The following KCNMA1 variants were observed in gnomAD, a reference collection of about 807,000 sequenced individuals.
KCNMA1 encodes the protein potassium calcium-activated channel subfamily M alpha 1, also known as Calcium-activated potassium channel subunit alpha-1.
In KCNMA1, 29 loss-of-function variants were observed where a neutral mutation model predicts 140.0. That is an observed-to-expected ratio of 0.21 (90% CI 0.15 to 0.28). The LOEUF (loss-of-function observed/expected upper bound fraction) is 0.28. Ranked by LOEUF, KCNMA1 falls within the 10% of genes least tolerant of loss-of-function variation. The pLI is 1.00. For missense variants in KCNMA1, 880 were observed against 1,602.2 expected (o/e 0.55, Z 7.70); for synonymous variants, 612 against 611.9 (o/e 1.00, Z 0.00).
At chr10:77,224,976 G>A (rs2050848216) in intron 3 of KCNMA1, among the ~76,000 whole-genome samples, 1 of 152,198 alleles carries the variant, frequency 6.6e-6, no homozygotes, top group Non-Finnish European at 1.5e-5. Context: ...GCCCCTTGAA[G>A]GTGGGAAACT....
intron 24 of KCNMA1, chr10:76,911,559 A>G (rs2050263766): frequency 1.3e-5 from 2 of 152,234 alleles, no homozygotes; most frequent in South Asian, 4.1e-4. Flanking sequence ...GGCTGTCAGG[A>G]GGCTCATACG....
chr10:77,313,719 G>A (rs367593790), intron 2 of KCNMA1, among the ~76,000 whole-genome samples: 65 of 152,232 alleles, frequency 4.3e-4, no homozygotes, highest in African/African-American at 1.5e-3. Context: ...CACAGTACCT[G>A]GCACATGGTA....
intron 22 of KCNMA1, among the ~76,000 whole-genome samples, chr10:76,947,395 A>G (rs1224487312): frequency 6.6e-6 from 1 of 152,110 alleles, no homozygotes; most frequent in East Asian, 1.9e-4. Context: ...GAGGAAACAT[A>G]CACAAACACA....
chr10:76,910,543 G>T, intron 24 of KCNMA1: 1 of 280,420 alleles, frequency 3.6e-6, no homozygotes, highest in South Asian at 3.9e-5. Context: ...GCGCTGGAAG[G>T]GGAGCACAGC....
intron 1 of KCNMA1, among the ~76,000 whole-genome samples, chr10:77,561,578 G>A (rs547546918): frequency 3.1e-4 from 47 of 152,236 alleles, no homozygotes; most frequent in African/African-American, 1.1e-3. Flanking sequence ...GCAGAGACTC[G>A]GGAAAGTTAA....
Position 77,194,596 on chromosome 10 carries a change from G to A in KCNMA1, c.603-9680C>T, listed in dbSNP as rs1411379346. ...CTAGAACCAGCCTGTTCTGAGTTCC[G>A]GACTGACAGTTGCGGATAATGAGAT... On this transcript the variant is annotated intron_variant, in intron 3 of 27. Coordinates refer to ENST00000286628, the MANE Select transcript of KCNMA1 (RefSeq NM_001161352.2). Among the ~76,000 whole-genome samples the A allele has an allele frequency of 4.6e-5, 7 of 152,182 alleles. No individual in the cohort carries two copies. In the South Asian group the frequency reaches 6.2e-4, roughly 14 times the overall value.
intron 1 of KCNMA1, among the ~76,000 whole-genome samples, chr10:77,560,526 G>C (rs574623840): frequency 2.1e-4 from 32 of 152,314 alleles, no homozygotes; most frequent in African/African-American, 7.7e-4. Context: ...GCCAGGTGAG[G>C]TGGTTCTCAG....
chr10:76,880,353 T>C (rs1215642153), downstream of KCNMA1, among the ~76,000 whole-genome samples: 3 of 152,130 alleles, frequency 2.0e-5, no homozygotes, highest in Admixed American at 1.3e-4. Flanking sequence ...GTTTTGGCCA[T>C]GCTGCCTCAA....
downstream of KCNMA1, chr10:76,883,987 C>G: frequency 1.0e-6 from 1 of 983,390 alleles, no homozygotes; most frequent in Non-Finnish European, 1.2e-6. Flanking sequence ...TCTCAATTAT[C>G]TACCACTGGG....
At chr10:77,624,686 A>G (rs532616247) in intron 1 of KCNMA1, among the ~76,000 whole-genome samples, 1 of 152,304 alleles carries the variant, frequency 6.6e-6, no homozygotes, top group South Asian at 2.1e-4. Context: ...TGTTATATGC[A>G]TGAGAAAACT....
chr10:77,290,815 T>C (rs1376826465), intron 2 of KCNMA1, among the ~76,000 whole-genome samples: 1 of 152,168 alleles, frequency 6.6e-6, no homozygotes, highest in East Asian at 1.9e-4. Flanking sequence ...GAAAATTCTG[T>C]GTCATCGTAA....
chr10:77,281,301 C>T (rs182528213), intron 2 of KCNMA1, among the ~76,000 whole-genome samples: 1 of 152,258 alleles, frequency 6.6e-6, no homozygotes, highest in African/African-American at 2.4e-5. Flanking sequence ...AAAAAAAGTA[C>T]TCTCCCCTCT....
chr10:77,206,346 A>G (rs1219023678), intron 3 of KCNMA1, among the ~76,000 whole-genome samples: 1 of 152,164 alleles, frequency 6.6e-6, no homozygotes, highest in African/African-American at 2.4e-5. Context: ...TTGTTTTTCT[A>G]TTTAGTAGAT....
intron 1 of KCNMA1, among the ~76,000 whole-genome samples, chr10:77,449,323 T>C (rs2097583703): frequency 6.6e-6 from 1 of 152,156 alleles, no homozygotes; most frequent in Non-Finnish European, 1.5e-5. Flanking sequence ...AGGGTGATGC[T>C]ATTAAAAATA....
rs554103173 is a variant in KCNMA1 at position 77,403,792 on chromosome 10, G to A, written c.540+70C>T. 6.9e-5 allele frequency: 102 copies of A among 1,475,054 alleles called. No homozygotes were observed. In the East Asian group the frequency reaches 7.5e-4, roughly 11 times the overall value. 91.4% of individuals were successfully genotyped at this position (1,475,054 alleles called of 1,614,324 possible). A position where few individuals can be genotyped will look rare whatever the true frequency, so the allele number is the denominator to read the frequency against. ...TGCAGAAGACCCTGGGGAATATCAC[G>A]TCTCATAAGCAAAGCCACCTTGGCC... On this transcript the variant is annotated intron_variant, in intron 2 of 27. Transcript: ENST00000286628.
intron 25 of KCNMA1, among the ~76,000 whole-genome samples, chr10:76,892,699 G>A (rs1389559650): frequency 1.3e-5 from 2 of 152,082 alleles, no homozygotes; most frequent in African/African-American, 4.8e-5. Flanking sequence ...CCAAGTAAGG[G>A]TGAGCTCAAG....
intron 2 of KCNMA1, among the ~76,000 whole-genome samples, chr10:77,392,891 C>T (rs541211314): frequency 1.6e-4 from 24 of 152,314 alleles, no homozygotes; most frequent in Admixed American, 3.3e-4. Flanking sequence ...GAAGTGGATA[C>T]GGAGACCACA....
intron 5 of KCNMA1, among the ~76,000 whole-genome samples, chr10:77,153,170 A>C (rs576694837): frequency 1.3e-5 from 2 of 152,206 alleles, no homozygotes; most frequent in Non-Finnish European, 2.9e-5. Flanking sequence ...ACTGGAGCAC[A>C]GAGTTCTCTT....
chr10:76,940,960 C>CGAAAGAAAGAAA (rs149461756), intron 23 of KCNMA1, among the ~76,000 whole-genome samples: 65 of 118,232 alleles, frequency 5.5e-4, no homozygotes, highest in African/African-American at 2.0e-3. Context: ...GACTCTACCT[C>CGAAAGAAAGAAA]GAAAGAAAGA....
Sources: allele counts gnomAD v4.1 joint callset (sites outside exome capture counted in the v4.1 genomes callset), GRCh38; gene constraint gnomAD v4.1.1; transcripts MANE v1.5; gene names NCBI Gene and HGNC (gene_info 2026-07-23, HGNC 2026-07-21).